Variants in LDB2 observed in about 807,000 individuals in gnomAD.
LDB2 encodes LIM domain-binding protein 2.
LDB2 carries 12 observed loss-of-function variants against 44.3 expected under a neutral mutation model. That is an observed-to-expected ratio of 0.27 (90% CI 0.17 to 0.44). The LOEUF (loss-of-function observed/expected upper bound fraction) is 0.44, where lower values mean the gene tolerates loss of function less well. Ranked by LOEUF, LDB2 falls within the 20% of genes least tolerant of loss-of-function variation. LDB2 has a pLI of 1.00. For missense variants in LDB2, 344 were observed against 473.5 expected, an observed-to-expected ratio of 0.73 and a Z score of 2.54; for synonymous variants, 164 against 174.8, an observed-to-expected ratio of 0.94 and a Z score of 0.49.
Position 16,511,962 on chromosome 4 carries a change from G to A in LDB2, c.739+19C>T, listed in dbSNP as rs751721667. On this transcript the variant is annotated intron_variant, in intron 6 of 7. Coordinates refer to ENST00000304523, the MANE Select transcript of LDB2 (RefSeq NM_001290.5). ...CTCTGAAAACGTGTTTAGAGAGAGA[G>A]TGAAGAATGAGGGTGTACCTGGCGG... 9 of 1,606,650 alleles carry A rather than the reference G, an allele frequency of 5.6e-6. No homozygotes were observed. In the South Asian group the frequency reaches 1.0e-4, roughly 18 times the overall value.
At chr4:16,825,814 A>G (rs574041032) in intron 1 of LDB2, among the ~76,000 whole-genome samples, 1 of 152,280 alleles carries the variant, frequency 6.6e-6, no homozygotes, top group East Asian at 1.9e-4. Context: ...GATACAATAC[A>G]CAGGCAAATT....
intron 1 of LDB2, among the ~76,000 whole-genome samples, chr4:16,897,742 T>A (rs1725458567): frequency 2.0e-5 from 3 of 151,842 alleles, no homozygotes; most frequent in Admixed American, 2.0e-4. Flanking sequence ...GGTTTCTGAT[T>A]TTAACACTGA....
chr4:16,621,256 T>C (rs1043363796), intron 2 of LDB2, among the ~76,000 whole-genome samples: 1 of 152,226 alleles, frequency 6.6e-6, no homozygotes, highest in East Asian at 1.9e-4. Context: ...GACTCTTTAG[T>C]TGACCTGGGA....
In LDB2 at chr4:16,585,910, G is replaced by A. The variant is rs369318315; in HGVS notation, c.615+12C>T. 2.0e-5 allele frequency: 32 copies of A among 1,603,346 alleles called. No homozygotes were observed. The highest frequency in any genetic ancestry group is 1.7e-4 in the South Asian group (15 of 90,820). The stretch of plus-strand genomic sequence containing the variant: ...AACTCACCAAAAAATAAAATCATTC[G>A]ATTGATCTTACCCTGAGGTAGTTGA... On this transcript the variant is annotated intron_variant, in intron 5 of 7. Transcript: ENST00000304523.
chr4:16,678,007 A>T (rs1316170411), intron 2 of LDB2, among the ~76,000 whole-genome samples: 2 of 152,216 alleles, frequency 1.3e-5, no homozygotes, highest in Non-Finnish European at 2.9e-5. Context: ...CTGAAACTTG[A>T]TTATGAGCGG....
At chr4:16,607,836 T>C (rs1496743) in intron 2 of LDB2, among the ~76,000 whole-genome samples, 83 of 152,290 alleles carry the variant, frequency 5.5e-4, no homozygotes, top group African/African-American at 1.8e-3. Context: ...TGGATAAATG[T>C]GGACTTGGCA....
chr4:16,527,610 A>C (rs1486166486), intron 5 of LDB2, among the ~76,000 whole-genome samples: 1 of 152,186 alleles, frequency 6.6e-6, no homozygotes, highest in Admixed American at 6.5e-5. Flanking sequence ...TGAAAAAGAC[A>C]CTTGGACACG....
intron 2 of LDB2, among the ~76,000 whole-genome samples, chr4:16,612,069 A>G (rs1466032145): frequency 1.3e-5 from 2 of 152,146 alleles, no homozygotes; most frequent in Non-Finnish European, 2.9e-5. Flanking sequence ...CTCAGTAAAA[A>G]CCACACAATT....
At chr4:16,701,447 A>G (rs189370821) in intron 2 of LDB2, among the ~76,000 whole-genome samples, 1 of 152,222 alleles carries the variant, frequency 6.6e-6, no homozygotes, top group Non-Finnish European at 1.5e-5. Flanking sequence ...TATCAGAACA[A>G]GTAATGATGA....
At chr4:16,638,500 A>G in intron 2 of LDB2, among the ~76,000 whole-genome samples, 1 of 152,230 alleles carries the variant, frequency 6.6e-6, no homozygotes, top group Non-Finnish European at 1.5e-5. Flanking sequence ...CTGGGAAAGG[A>G]GGAATGAATA....
At chr4:16,852,551 T>A (rs1192662117) in intron 1 of LDB2, among the ~76,000 whole-genome samples, 1 of 152,190 alleles carries the variant, frequency 6.6e-6, no homozygotes, top group Non-Finnish European at 1.5e-5. Context: ...ATTCCATTGG[T>A]ATGAATCATC....
At chr4:16,781,055 T>C (rs1773109375) in intron 1 of LDB2, among the ~76,000 whole-genome samples, 2 of 152,198 alleles carry the variant, frequency 1.3e-5, no homozygotes, top group South Asian at 2.1e-4. Flanking sequence ...AATAGATTAA[T>C]TGACTCTTTC....
chr4:16,889,298 C>G (rs537053066), intron 1 of LDB2: 7 of 152,272 alleles, frequency 4.6e-5, no homozygotes, highest in African/African-American at 1.4e-4. Context: ...TACCGTAATT[C>G]ACGGCTGTGG....
intron 2 of LDB2, among the ~76,000 whole-genome samples, chr4:16,748,240 T>A (rs1764767100): frequency 6.6e-6 from 1 of 152,150 alleles, no homozygotes; most frequent in South Asian, 2.1e-4. Flanking sequence ...CAAAAATACA[T>A]ATTGTGACAG....
At chr4:16,705,038 C>T (rs1754312860) in intron 2 of LDB2, among the ~76,000 whole-genome samples, 1 of 152,166 alleles carries the variant, frequency 6.6e-6, no homozygotes, top group African/African-American at 2.4e-5. Context: ...CTTTAACTTG[C>T]TCAAGTTCCC....
At chr4:16,580,511 A>G (rs547582189) in intron 5 of LDB2, among the ~76,000 whole-genome samples, 1 of 152,336 alleles carries the variant, frequency 6.6e-6, no homozygotes, top group South Asian at 2.1e-4. Flanking sequence ...TTCCTTTAAA[A>G]AAGAGAATGT....
intron 5 of LDB2, among the ~76,000 whole-genome samples, chr4:16,529,449 A>G (rs1283523166): frequency 6.6e-6 from 1 of 152,184 alleles, no homozygotes; most frequent in Non-Finnish European, 1.5e-5. Context: ...CTTCATCCTC[A>G]GCAGAAATGG....
intron 3 of LDB2, among the ~76,000 whole-genome samples, chr4:16,589,355 A>G (rs183127143): frequency 4.2e-4 from 64 of 152,360 alleles, no homozygotes; most frequent in African/African-American, 1.4e-3. Context: ...GGCAGTTATT[A>G]TCAGTTACTG....
At chr4:16,712,006 A>C (rs1578986775) in intron 2 of LDB2, among the ~76,000 whole-genome samples, 1 of 152,210 alleles carries the variant, frequency 6.6e-6, no homozygotes, top group African/African-American at 2.4e-5. Context: ...GGTTATGCAA[A>C]GATTTCATAG....
Sources: allele counts gnomAD v4.1 joint callset (sites outside exome capture counted in the v4.1 genomes callset), GRCh38; gene constraint gnomAD v4.1.1; transcripts MANE v1.5; gene names NCBI Gene and HGNC (gene_info 2026-07-23, HGNC 2026-07-21).